Variants in PRKG1 observed in about 807,000 individuals in gnomAD.
The protein encoded by PRKG1 is cGMP-dependent protein kinase 1.
Under a neutral mutation model 88.1 loss-of-function variants are expected in PRKG1, and 35 were observed. The observed-to-expected ratio is 0.40, with a 90% CI of 0.30 to 0.53. PRKG1 has a LOEUF of 0.53. Among genes scored for constraint, PRKG1 ranks in the 20% least tolerant of loss-of-function variants. The pLI is 0.59. For synonymous variants in PRKG1, 303 were observed against 292.5 expected (o/e 1.04, Z -0.37); for missense variants, 540 against 839.8 (o/e 0.64, Z 4.41).
At chr10:51,325,851 C>T (rs561886520) in intron 2 of PRKG1, among the ~76,000 whole-genome samples, 1 of 152,278 alleles carries the variant, frequency 6.6e-6, no homozygotes, top group African/African-American at 2.4e-5. Flanking sequence ...GGCCCAGTCT[C>T]AGCTCCAACC....
At chr10:51,192,741 T>C (rs926357761) in intron 2 of PRKG1, among the ~76,000 whole-genome samples, 1 of 151,822 alleles carries the variant, frequency 6.6e-6, no homozygotes, top group African/African-American at 2.4e-5. Flanking sequence ...TAAAGAGAAG[T>C]AAAAAATTGT....
intron 7 of PRKG1, among the ~76,000 whole-genome samples, chr10:52,120,219 C>T (rs1265243126): frequency 6.6e-6 from 1 of 152,068 alleles, no homozygotes; most frequent in Non-Finnish European, 1.5e-5. Context: ...TTAAAGATCC[C>T]ACCACTCAAT....
chr10:51,422,559 ACT>A (rs1838447949), intron 2 of PRKG1, among the ~76,000 whole-genome samples: 1 of 152,082 alleles, frequency 6.6e-6, no homozygotes, highest in Non-Finnish European at 1.5e-5. Flanking sequence ...CTCTTCACAT[ACT>A]TTGTCAGCTC....
At chr10:51,737,597 C>T (rs550896778) in intron 3 of PRKG1, among the ~76,000 whole-genome samples, 101 of 152,082 alleles carry the variant, frequency 6.6e-4, no homozygotes, top group Non-Finnish European at 1.3e-3. Context: ...CTGTTGCTTG[C>T]CTGGTTTGTG....
intron 2 of PRKG1, among the ~76,000 whole-genome samples, chr10:51,374,093 A>AATATATATATATATATATATAT (rs58198784): frequency 1.3e-4 from 13 of 100,120 alleles, no homozygotes; most frequent in Non-Finnish European, 2.2e-4. Context: ...AAAAAAAAAA[A>AATATATATATATATATATATAT]ATATATATAT....
chr10:51,376,490 GA>G (rs932967921), intron 2 of PRKG1, among the ~76,000 whole-genome samples: 1 of 151,988 alleles, frequency 6.6e-6, no homozygotes, highest in Non-Finnish European at 1.5e-5. Context: ...GTTTGCTATT[GA>G]AAAAAATTGG....
chr10:51,214,727 T>C (rs1589250848), intron 2 of PRKG1, among the ~76,000 whole-genome samples: 2 of 152,186 alleles, frequency 1.3e-5, no homozygotes, highest in Non-Finnish European at 2.9e-5. Context: ...GTCCTCCCGC[T>C]TGGCCTGCCA....
intron 4 of PRKG1, among the ~76,000 whole-genome samples, chr10:51,863,489 T>A (rs75785977): frequency 0.089 from 13,476 of 152,204 alleles, 734 homozygotes; most frequent in African/African-American, 0.14. Flanking sequence ...TTTTCTTGCC[T>A]TTATTCTTTA....
At chr10:51,769,775 C>G (rs1165233968) in intron 3 of PRKG1, among the ~76,000 whole-genome samples, 1 of 152,120 alleles carries the variant, frequency 6.6e-6, no homozygotes, top group Non-Finnish European at 1.5e-5. Flanking sequence ...TTTGGCTTCC[C>G]TGGCCCACAT....
intron 8 of PRKG1, among the ~76,000 whole-genome samples, chr10:52,155,644 C>T (rs184008147): frequency 6.5e-4 from 98 of 150,756 alleles, no homozygotes; most frequent in African/African-American, 2.2e-3. Context: ...AAAGTGTTAA[C>T]GTTTAGCTCA....
intron 9 of PRKG1, among the ~76,000 whole-genome samples, chr10:52,197,384 A>C (rs2879647): frequency 0.049 from 7,423 of 152,238 alleles, 642 homozygotes; most frequent in African/African-American, 0.17. Context: ...TGTTGTTTCA[A>C]AGCACGTTTT....
chr10:51,780,379 C>T (rs1456342445), intron 3 of PRKG1, among the ~76,000 whole-genome samples: 1 of 151,948 alleles, frequency 6.6e-6, no homozygotes, highest in Non-Finnish European at 1.5e-5. Flanking sequence ...GGATGCTGAA[C>T]AATAAATAAA....
At chr10:51,549,780 G>A (rs758695766) in intron 3 of PRKG1, among the ~76,000 whole-genome samples, 6 of 152,234 alleles carry the variant, frequency 3.9e-5, no homozygotes, top group Non-Finnish European at 7.4e-5. Flanking sequence ...GCCAGTTTAT[G>A]TCAAGTGGCC....
At chr10:51,600,512 A>C (rs1838569792) in intron 3 of PRKG1, among the ~76,000 whole-genome samples, 1 of 152,186 alleles carries the variant, frequency 6.6e-6, no homozygotes, top group East Asian at 1.9e-4. Flanking sequence ...CCACATAGAA[A>C]ATTTAAAATT....
chr10:51,457,872 G>A (rs1243351562), intron 2 of PRKG1, among the ~76,000 whole-genome samples: 3 of 152,066 alleles, frequency 2.0e-5, no homozygotes, highest in African/African-American at 7.2e-5. Context: ...CCTCAATGGT[G>A]CTGGAGGACA....
intron 3 of PRKG1, among the ~76,000 whole-genome samples, chr10:51,583,473 T>C (rs1838094190): frequency 6.6e-6 from 1 of 152,116 alleles, no homozygotes; most frequent in African/African-American, 2.4e-5. Context: ...GATGTTTCCT[T>C]CATTCCTGTT....
rs1842778753 is a variant in PRKG1, at chr10:50,991,314, G to T, written c.-65G>T. 3 of 854,366 alleles carry T rather than the reference G, an allele frequency of 3.5e-6. No homozygotes were observed. Among genetic ancestry groups the T allele is most frequent in the Admixed American group, 5.3e-5 (1 of 18,854 alleles). The allele number at this position is 854,366 out of a possible 1,614,324, so 52.9% of individuals were successfully genotyped here. A position where few individuals can be genotyped will look rare whatever the true frequency, so the allele number is the denominator to read the frequency against. On this transcript the variant is annotated 5_prime_UTR_variant, in exon 1 of 18. Transcript: ENST00000401604. The surrounding 1 kb of genome is among the most constrained non-coding windows in gnomAD (Gnocchi z 4.5). ...TCCGCTGCCGGCTGCCGTCCCAGCC[G>T]CCGCCGCCGCCGCCGCCGCCGCCGC...
At chr10:51,910,417 G>A (rs533055358) in intron 5 of PRKG1, 1 of 152,276 alleles carries the variant, frequency 6.6e-6, no homozygotes, top group South Asian at 2.1e-4. Flanking sequence ...CAAGGTCCTT[G>A]AGAAGGACAT....
At chr10:51,745,822 A>G (rs1837561990) in intron 3 of PRKG1, among the ~76,000 whole-genome samples, 1 of 152,126 alleles carries the variant, frequency 6.6e-6, no homozygotes, top group Non-Finnish European at 1.5e-5. Flanking sequence ...CAGCCTGGCC[A>G]ACAGGGTGAA....
Sources: gnomAD v4.1 joint callset for allele counts (sites outside exome capture counted in the v4.1 genomes callset) on GRCh38, gnomAD v4.1.1 for gene constraint, Gnocchi (gnomAD v3.1) non-coding constraint, MANE v1.5 for transcripts, NCBI Gene and HGNC (gene_info 2026-07-23, HGNC 2026-07-21) for gene names.